Variants in PRIM2 observed in about 807,000 individuals in gnomAD.
PRIM2 encodes the protein DNA primase large subunit.
A neutral mutation model predicts 67.3 loss-of-function variants in PRIM2; 39 were observed. The observed-to-expected ratio is 0.58, with a 90% CI of 0.45 to 0.76. The LOEUF (loss-of-function observed/expected upper bound fraction) is 0.76, where lower values mean the gene tolerates loss of function less well. PRIM2 is among the 30% of genes least tolerant of loss of function. The pLI is 0.00. For missense variants in PRIM2, 398 were observed against 598.7 expected (o/e 0.66, Z 3.50); for synonymous variants, 143 against 198.7 (o/e 0.72, Z 2.36).
At chr6:57,374,943 T>C (rs1769706808) in intron 5 of PRIM2, among the ~76,000 whole-genome samples, 1 of 152,286 alleles carries the variant, frequency 6.6e-6, no homozygotes, top group Non-Finnish European at 1.5e-5. Context: ...CTGAAGTTGC[T>C]TATTAGCTTA....
chr6:57,294,538 T>C, the PRIM2 span, among the ~76,000 whole-genome samples: 6 of 151,874 alleles, frequency 4.0e-5, no homozygotes, highest in Non-Finnish European at 7.4e-5. Flanking sequence ...GTATATATAG[T>C]ATGATTACAA....
At chr6:57,234,061 A>AT in the PRIM2 span, among the ~76,000 whole-genome samples, 1 of 152,198 alleles carries the variant, frequency 6.6e-6, no homozygotes, top group African/African-American at 2.4e-5. Flanking sequence ...TCTATATGTG[A>AT]TAAGTAATTC....
Position 57,351,689 on chromosome 6 carries a change from G to A in PRIM2, c.459+25644G>A, listed in dbSNP as rs548779517. On this transcript the variant is annotated intron_variant, in intron 5 of 13. Coordinates refer to ENST00000615550, the MANE Select transcript of PRIM2 (RefSeq NM_000947.5). Reference sequence around the variant, plus strand: ...TTTGGGTTAGGATAGTATATTTGATGTGAAGATATTGCTTGTGAGTGCTAT... The same window carrying A: ...TTTGGGTTAGGATAGTATATTTGATATGAAGATATTGCTTGTGAGTGCTAT... Among the ~76,000 whole-genome samples the A allele has an allele frequency of 3.9e-5, 6 of 152,196 alleles. No individual in the cohort carries two copies. In the East Asian group the frequency reaches 9.7e-4, roughly 25 times the overall value.
chr6:57,541,415 C>A (rs1394456500), intron 10 of PRIM2, among the ~76,000 whole-genome samples: 1 of 151,652 alleles, frequency 6.6e-6, no homozygotes, highest in East Asian at 1.9e-4. Context: ...ATTTTTTTTT[C>A]TCCAATTTAC....
At chr6:57,448,256 T>C (rs7752223) in intron 7 of PRIM2, among the ~76,000 whole-genome samples, 1 of 152,124 alleles carries the variant, frequency 6.6e-6, no homozygotes, top group Non-Finnish European at 1.5e-5. Context: ...TATTTTAATT[T>C]TCAAATCAGC....
intron 13 of PRIM2, among the ~76,000 whole-genome samples, chr6:57,633,277 T>C (rs1777064525): frequency 6.6e-6 from 1 of 152,200 alleles, no homozygotes; most frequent in East Asian, 1.9e-4. Flanking sequence ...AGAACGGACT[T>C]TGGAGATCTT....
rs541220540 is a variant in PRIM2 at position 57,383,796 on chromosome 6, C to G, written c.693+1628C>G. 8.5e-5 allele frequency among the ~76,000 whole-genome samples: 13 copies of G among 152,230 alleles called. No homozygotes were observed. The South Asian group carries it at 2.5e-3, about 29-fold the overall frequency. ...GTTGCTGAATTAACCTATTCTGGAACCACCAAACTTTTTATTACATGGGAT... is the reference window on the plus strand; with the variant it reads ...GTTGCTGAATTAACCTATTCTGGAAGCACCAAACTTTTTATTACATGGGAT... On this transcript the variant is annotated intron_variant, in intron 7 of 13. Transcript: ENST00000615550.
the PRIM2 span, among the ~76,000 whole-genome samples, chr6:57,239,669 T>C: frequency 6.6e-6 from 1 of 152,098 alleles, no homozygotes; most frequent in East Asian, 1.9e-4. Flanking sequence ...CACCTGAGCC[T>C]GGGGAGGTCG....
At chr6:57,326,201 C>A in intron 5 of PRIM2, 156 bp downstream of exon 5, 1 of 696,704 alleles carries the variant, frequency 1.4e-6, no homozygotes, top group Non-Finnish European at 2.2e-6. Flanking sequence ...ATATATCTTT[C>A]CTTCTCTATG....
rs1284590966 is a variant in PRIM2, at chr6:57,646,657, G to A, written c.*499G>A. The A allele has an allele frequency of 2.0e-5, 3 of 152,448 alleles. No individual in the cohort carries two copies. In the East Asian group the frequency reaches 5.8e-4, roughly 29 times the overall value. The allele number at this position is 152,448 out of a possible 1,614,324, so 9.4% of individuals were successfully genotyped here. A position where few individuals can be genotyped will look rare whatever the true frequency, so the allele number is the denominator to read the frequency against. On this transcript the variant is annotated 3_prime_UTR_variant, in exon 14 of 14. Coordinates refer to ENST00000615550, the MANE Select transcript of PRIM2 (RefSeq NM_000947.5). ...TTGCTTTGACAGAAGGAAAGAGGAG[G>A]AGTTTCTATTAAAATCTGTCACTTG...
intron 13 of PRIM2, among the ~76,000 whole-genome samples, chr6:57,642,825 G>A (rs1777270353): frequency 1.3e-5 from 2 of 151,994 alleles, no homozygotes; most frequent in African/African-American, 4.8e-5. Context: ...TTTAGTGTTT[G>A]GAATTTGATT....
rs1247778096 is a variant in PRIM2 at position 57,468,736 on chromosome 6, A to T, written c.694-38651A>T. ...TTAAATTTATTAGTTGGTGTATGTC[A>T]CTGACAACTTAGAACCCTGACTAAT... On this transcript the variant is annotated intron_variant, in intron 7 of 13. Transcript: ENST00000615550. 4.5e-4 allele frequency among the ~76,000 whole-genome samples: 68 copies of T among 152,266 alleles called. 1 individual carries two copies. Among genetic ancestry groups the T allele is most frequent in the Non-Finnish European group, 6.5e-4 (44 of 68,020 alleles).
chr6:57,312,208 A>T (rs1341821485), upstream of PRIM2, among the ~76,000 whole-genome samples: 1 of 152,054 alleles, frequency 6.6e-6, no homozygotes, highest in African/African-American at 2.4e-5. Context: ...AGTTTTATGT[A>T]CTTTTAAAAA....
At chr6:57,552,560 AGAG>A (rs2127475388) in intron 10 of PRIM2, among the ~76,000 whole-genome samples, 1 of 152,368 alleles carries the variant, frequency 6.6e-6, no homozygotes, top group South Asian at 2.1e-4. Flanking sequence ...AAGATACTCC[AGAG>A]GGAAATGAAT....
chr6:57,490,616 G>T (rs1461624386), intron 7 of PRIM2, among the ~76,000 whole-genome samples: 29 of 152,156 alleles, frequency 1.9e-4, no homozygotes, highest in Non-Finnish European at 3.7e-4. Context: ...GTCATAAAAA[G>T]AACAGAGTAG....
chr6:57,329,483 A>G (rs1437276421), intron 5 of PRIM2, among the ~76,000 whole-genome samples: 1 of 152,070 alleles, frequency 6.6e-6, no homozygotes, highest in African/African-American at 2.4e-5. Flanking sequence ...CCCAAATCTC[A>G]TCTTGAATTG....
At chr6:57,599,915 G>A (rs1254257602) in intron 10 of PRIM2, among the ~76,000 whole-genome samples, 1 of 152,194 alleles carries the variant, frequency 6.6e-6, no homozygotes, top group Non-Finnish European at 1.5e-5. Flanking sequence ...AGGCTCCTGA[G>A]TAGCTGAGAT....
At chr6:57,312,445 T>G (rs1180203680), upstream of PRIM2, among the ~76,000 whole-genome samples, 2 of 151,888 alleles carry the variant, frequency 1.3e-5, no homozygotes, top group African/African-American at 4.8e-5. Flanking sequence ...GAGGCTGCAG[T>G]GGGCAGTGAT....
intron 7 of PRIM2, among the ~76,000 whole-genome samples, chr6:57,432,090 C>T (rs1771850706): frequency 6.6e-6 from 1 of 152,104 alleles, no homozygotes; most frequent in Non-Finnish European, 1.5e-5. Context: ...AGCCTTTTTA[C>T]ATATGAGATG....
Sources: gnomAD v4.1 joint callset for allele counts (sites outside exome capture counted in the v4.1 genomes callset) on GRCh38, gnomAD v4.1.1 for gene constraint, MANE v1.5 for transcripts, NCBI Gene and HGNC (gene_info 2026-07-23, HGNC 2026-07-21) for gene names.